The following GLIS3 variants were observed in gnomAD, a reference collection of about 807,000 sequenced individuals.
GLIS3 encodes the protein zinc finger protein GLIS3.
In GLIS3, 53 loss-of-function variants were observed where a neutral mutation model predicts 78.6. The observed-to-expected ratio is 0.67, with a 90% CI of 0.54 to 0.85. The LOEUF (loss-of-function observed/expected upper bound fraction) is 0.85, where lower values mean the gene tolerates loss of function less well. GLIS3 is among the 40% of genes least tolerant of loss of function. GLIS3 has a pLI of 0.00. For synonymous variants in GLIS3, 684 were observed against 509.9 expected, an observed-to-expected ratio of 1.34 and a Z score of -4.60; for missense variants, 1,703 against 1,231.1, an observed-to-expected ratio of 1.38 and a Z score of -5.74.
At chr9:4,304,134 A>C (rs1817165778), upstream of GLIS3, among the ~76,000 whole-genome samples, 1 of 152,228 alleles carries the variant, frequency 6.6e-6, no homozygotes, top group Admixed American at 6.6e-5. Context: ...TTCAGAGATG[A>C]TAAATGACAC....
At chr9:4,059,827 T>TGAGAGAGAGAGAGA (rs1252079860) in intron 4 of GLIS3, among the ~76,000 whole-genome samples, 14 of 106,818 alleles carry the variant, frequency 1.3e-4, no homozygotes, top group African/African-American at 4.1e-4. Flanking sequence ...TGTGTGTGTG[T>TGAGAGAGAGAGAGA]GTGAGAGAGA....
the GLIS3 span, among the ~76,000 whole-genome samples, chr9:4,368,812 T>A: frequency 6.6e-6 from 1 of 152,312 alleles, no homozygotes; most frequent in African/African-American, 2.4e-5. Flanking sequence ...TGCTCTTAAA[T>A]TCTCTCGTTC....
intron 4 of GLIS3, among the ~76,000 whole-genome samples, chr9:4,013,926 A>T (rs1822239405): frequency 6.6e-6 from 1 of 152,168 alleles, no homozygotes; most frequent in Non-Finnish European, 1.5e-5. Context: ...GGCAGGTTGT[A>T]TTTCAGCACA....
At chr9:3,989,608 G>T (rs901681643) in intron 4 of GLIS3, among the ~76,000 whole-genome samples, 1 of 152,118 alleles carries the variant, frequency 6.6e-6, no homozygotes, top group Admixed American at 6.5e-5. Flanking sequence ...GAATTTAGCT[G>T]AGTGAAAAAG....
chr9:4,079,871 C>G (rs118160483), intron 4 of GLIS3, among the ~76,000 whole-genome samples: 9 of 151,660 alleles, frequency 5.9e-5, no homozygotes, highest in East Asian at 5.8e-4. Context: ...AACATCAACA[C>G]TGCTCTCTCA....
chr9:4,172,584 A>G (rs1186806457), intron 2 of GLIS3, among the ~76,000 whole-genome samples: 1 of 152,222 alleles, frequency 6.6e-6, no homozygotes, highest in African/African-American at 2.4e-5. Context: ...CAAGCATGAT[A>G]TAAATATTTT....
intron 4 of GLIS3, among the ~76,000 whole-genome samples, chr9:3,970,301 GA>G (rs964916085): frequency 3.9e-5 from 6 of 152,084 alleles, no homozygotes; most frequent in Non-Finnish European, 7.4e-5. Flanking sequence ...TTTAATGGTG[GA>G]AAAACTCAAA....
chr9:4,168,666 T>C (rs144893569), intron 2 of GLIS3, among the ~76,000 whole-genome samples: 4 of 152,236 alleles, frequency 2.6e-5, no homozygotes, highest in Non-Finnish European at 5.9e-5. Flanking sequence ...AAAAGATTTA[T>C]GTATCATTTT....
the GLIS3 span, among the ~76,000 whole-genome samples, chr9:4,439,006 C>G: frequency 6.6e-6 from 1 of 152,172 alleles, no homozygotes; most frequent in South Asian, 2.1e-4. Flanking sequence ...TTAAGAATCA[C>G]AGACATGGGG....
intron 2 of GLIS3, among the ~76,000 whole-genome samples, chr9:4,188,091 G>A (rs749715457): frequency 0.013 from 2,017 of 151,798 alleles, 16 homozygotes; most frequent in Non-Finnish European, 0.021. Context: ...CAAAGGGAAT[G>A]CTTCCAGGTT....
chr9:4,181,780 C>T (rs1817347029), intron 2 of GLIS3, among the ~76,000 whole-genome samples: 1 of 152,186 alleles, frequency 6.6e-6, no homozygotes, highest in Admixed American at 6.5e-5. Context: ...CCTGTGATCA[C>T]TAGGCAAAGA....
chr9:3,870,808 G>A (rs756915108), intron 8 of GLIS3, among the ~76,000 whole-genome samples: 2 of 152,184 alleles, frequency 1.3e-5, no homozygotes, highest in Non-Finnish European at 2.9e-5. Context: ...TTCCACCCCT[G>A]GCCCATGCCA....
the GLIS3 span, among the ~76,000 whole-genome samples, chr9:4,418,661 T>C: frequency 4.2e-4 from 64 of 152,170 alleles, no homozygotes; most frequent in African/African-American, 1.5e-3. Flanking sequence ...ATCACGCCAC[T>C]GCACTCCAGC....
chr9:4,148,572 G>A (rs574760541), intron 2 of GLIS3, among the ~76,000 whole-genome samples: 7 of 151,872 alleles, frequency 4.6e-5, no homozygotes, highest in Admixed American at 1.3e-4. Context: ...CCCCTAAACT[G>A]GCAGGCCCAT....
At chr9:4,138,050 A>G (rs1833533236) in intron 2 of GLIS3, among the ~76,000 whole-genome samples, 1 of 152,218 alleles carries the variant, frequency 6.6e-6, no homozygotes, top group South Asian at 2.1e-4. Context: ...GCTCTGTGCT[A>G]CACTATATAC....
the GLIS3 span, among the ~76,000 whole-genome samples, chr9:4,393,469 T>C: frequency 6.6e-6 from 1 of 152,226 alleles, no homozygotes; most frequent in African/African-American, 2.4e-5. Flanking sequence ...ATATCCTCTC[T>C]TCATCCATTG....
In GLIS3 at chr9:3,928,750, A is replaced by T. The variant is rs559992092; in HGVS notation, c.1983+3610T>A. Among the ~76,000 whole-genome samples the T allele has an allele frequency of 6.6e-5, 10 of 152,352 alleles. No individual in the cohort carries two copies. The East Asian group carries it at 1.7e-3, about 26-fold the overall frequency. On this transcript the variant is annotated intron_variant, in intron 6 of 10. Coordinates refer to ENST00000381971, the MANE Select transcript of GLIS3 (RefSeq NM_001042413.2). ...GCTTGGTTTATAACAGCCTGTTTTG[A>T]GGTCACAAAAGTGAAAGCCATCAGC...
chr9:4,486,594 C>T, the GLIS3 span, among the ~76,000 whole-genome samples: 2 of 152,180 alleles, frequency 1.3e-5, no homozygotes, highest in Non-Finnish European at 2.9e-5. Flanking sequence ...CGTGTGTATA[C>T]GTTCAATACA....
At chr9:3,845,318 G>A (rs962697532) in intron 9 of GLIS3, among the ~76,000 whole-genome samples, 1 of 152,104 alleles carries the variant, frequency 6.6e-6, no homozygotes, top group African/African-American at 2.4e-5. Context: ...AATATAGAAT[G>A]TGAGGTGCAG....
Sources: gnomAD v4.1 joint callset for allele counts (sites outside exome capture counted in the v4.1 genomes callset) on GRCh38, gnomAD v4.1.1 for gene constraint, MANE v1.5 for transcripts, NCBI Gene and HGNC (gene_info 2026-07-23, HGNC 2026-07-21) for gene names.